TRAPPC9: variants seen among roughly 807,000 people sequenced by gnomAD.
TRAPPC9 encodes the protein trafficking protein particle complex subunit 9.
Under a neutral mutation model 124.0 loss-of-function variants are expected in TRAPPC9, and 83 were observed. The ratio of observed to expected loss-of-function variants is 0.67; its 90% CI spans 0.56 to 0.80. The LOEUF (loss-of-function observed/expected upper bound fraction) is 0.80. Among genes scored for constraint, TRAPPC9 ranks in the 30% least tolerant of loss-of-function variants. The pLI is 0.00. For synonymous variants in TRAPPC9, 638 were observed against 617.5 expected, an observed-to-expected ratio of 1.03 and a Z score of -0.49; for missense variants, 1,302 against 1,508.3, an observed-to-expected ratio of 0.86 and a Z score of 2.27.
chr8:139,732,648 G>A (rs1308689659), intron 21 of TRAPPC9, among the ~76,000 whole-genome samples: 1 of 152,238 alleles, frequency 6.6e-6, no homozygotes, highest in Non-Finnish European at 1.5e-5. Context: ...CTCCTCCAGT[G>A]GCTGCAAGAC....
intron 21 of TRAPPC9, among the ~76,000 whole-genome samples, chr8:139,751,491 T>C (rs1340055301): frequency 6.6e-6 from 1 of 152,010 alleles, no homozygotes; most frequent in Non-Finnish European, 1.5e-5. Context: ...TTGTGGCCAC[T>C]AGCAACAGGG....
Position 139,904,175 on chromosome 8 carries a change from C to T in TRAPPC9, c.2964+5972G>A, listed in dbSNP as rs112806340. ...TGGCACATGGTAGAGCCTCAATAAA[C>T]GGCTGTTGGATGAACAGGATTCCAC... On this transcript the variant is annotated intron_variant, in intron 20 of 22. Coordinates refer to ENST00000438773, the MANE Select transcript of TRAPPC9 (RefSeq NM_001160372.4). Among the ~76,000 whole-genome samples, 982 of 152,270 alleles carry T rather than the reference C, an allele frequency of 6.4e-3. 11 individuals carry two copies. The highest frequency in any genetic ancestry group is 0.022 in the African/African-American group (896 of 41,564).
intron 21 of TRAPPC9, chr8:139,881,270 TAAGAC>T (rs1482608596): frequency 2.0e-4 from 30 of 152,242 alleles, no homozygotes; most frequent in African/African-American, 6.5e-4. Flanking sequence ...TAGAATATAT[TAAGAC>T]AAGTTGAACC....
chr8:140,077,121 G>A (rs1313699302), intron 17 of TRAPPC9, among the ~76,000 whole-genome samples: 2 of 152,072 alleles, frequency 1.3e-5, no homozygotes, highest in East Asian at 1.9e-4. Flanking sequence ...AGCCTAGATT[G>A]TGCCACTGTG....
intron 5 of TRAPPC9, among the ~76,000 whole-genome samples, chr8:140,410,386 T>C (rs58486881): frequency 0.03 from 4,501 of 150,910 alleles, 211 homozygotes; most frequent in African/African-American, 0.096. Context: ...AAATACAAAA[T>C]TTAGCCAGAC....
intron 8 of TRAPPC9, among the ~76,000 whole-genome samples, chr8:140,361,042 G>A (rs1051905821): frequency 1.3e-5 from 2 of 152,196 alleles, no homozygotes; most frequent in Non-Finnish European, 2.9e-5. Flanking sequence ...CAGCCAATCT[G>A]TGTTAACACA....
chr8:139,762,680 G>A (rs1169275419), intron 21 of TRAPPC9, among the ~76,000 whole-genome samples: 5 of 152,206 alleles, frequency 3.3e-5, no homozygotes, highest in African/African-American at 1.2e-4. Flanking sequence ...TGTGGTGCAC[G>A]ACTGTAATTT....
At chr8:140,081,512 A>T (rs1392098898) in intron 17 of TRAPPC9, among the ~76,000 whole-genome samples, 1 of 151,794 alleles carries the variant, frequency 6.6e-6, no homozygotes, top group African/African-American at 2.4e-5. Flanking sequence ...CACCCAGCTA[A>T]TTTCTGTATT....
chr8:140,083,208 C>T lies in TRAPPC9; in HGVS notation c.2557-59129G>A, dbSNP rs572358752. ...ACTCCATCTCAAAAAAAAAAATTCACATCTTTGGACTCAGTAATTCTGCTT... is the reference window on the plus strand; with the variant it reads ...ACTCCATCTCAAAAAAAAAAATTCATATCTTTGGACTCAGTAATTCTGCTT... On this transcript the variant is annotated intron_variant, in intron 17 of 22. Coordinates refer to ENST00000438773, the MANE Select transcript of TRAPPC9 (RefSeq NM_001160372.4). Among the ~76,000 whole-genome samples, 19 of 151,876 alleles carry T rather than the reference C, an allele frequency of 1.3e-4. 1 individual carries two copies. The South Asian group carries it at 3.7e-3, about 30-fold the overall frequency.
At chr8:140,209,339 T>C (rs561672511) in intron 17 of TRAPPC9, among the ~76,000 whole-genome samples, 1 of 152,304 alleles carries the variant, frequency 6.6e-6, no homozygotes, top group East Asian at 1.9e-4. Flanking sequence ...CACTGGATGT[T>C]TGCTGAAGGA....
At chr8:139,830,457 CACACAT>C (rs1825910844) in intron 21 of TRAPPC9, among the ~76,000 whole-genome samples, 1 of 151,942 alleles carries the variant, frequency 6.6e-6, no homozygotes, top group Non-Finnish European at 1.5e-5. Context: ...ACAAACGCTA[CACACAT>C]ACACATAAAC....
intron 17 of TRAPPC9, among the ~76,000 whole-genome samples, chr8:140,056,195 G>C (rs763501066): frequency 6.6e-6 from 1 of 152,032 alleles, no homozygotes; most frequent in Non-Finnish European, 1.5e-5. Flanking sequence ...GATCACTTGA[G>C]CCCAGGAGTT....
rs184012585 is a variant in TRAPPC9 at position 140,041,030 on chromosome 8, A to T, written c.2557-16951T>A. 2.0e-5 allele frequency: 3 copies of T among 152,344 alleles called. No individual in the cohort carries two copies. In the East Asian group the frequency reaches 5.8e-4, roughly 29 times the overall value. The allele number at this position is 152,344 out of a possible 1,614,324, so 9.4% of individuals were successfully genotyped here. A position where few individuals can be genotyped will look rare whatever the true frequency, so the allele number is the denominator to read the frequency against. ...CAACTACTTTGTCAAGGTAATATCC[A>T]GGTATGAATGGTGGACCTCATGGTC... On this transcript the variant is annotated intron_variant, in intron 17 of 22. Coordinates refer to ENST00000438773, the MANE Select transcript of TRAPPC9 (RefSeq NM_001160372.4).
At chr8:140,440,972 C>CTTTTTTT (rs60379205) in intron 2 of TRAPPC9, among the ~76,000 whole-genome samples, 8 of 80,284 alleles carry the variant, frequency 1.0e-4, no homozygotes, top group East Asian at 3.9e-4. Flanking sequence ...AACACTGTTA[C>CTTTTTTT]TTTTTTTTTT....
intron 7 of TRAPPC9, among the ~76,000 whole-genome samples, chr8:140,381,273 G>T (rs1289772236): frequency 1.3e-5 from 2 of 151,298 alleles, no homozygotes; most frequent in Non-Finnish European, 2.9e-5. Flanking sequence ...AAATGGGAGA[G>T]AAATTCTGCA....
chr8:140,383,363 C>T (rs1331359568), intron 7 of TRAPPC9, among the ~76,000 whole-genome samples: 1 of 152,142 alleles, frequency 6.6e-6, no homozygotes, highest in Admixed American at 6.5e-5. Flanking sequence ...CCAAACTTCT[C>T]CAAGCTAAAG....
At chr8:140,354,508 C>T (rs928973062) in intron 9 of TRAPPC9, among the ~76,000 whole-genome samples, 6 of 152,170 alleles carry the variant, frequency 3.9e-5, no homozygotes, top group African/African-American at 1.2e-4. Flanking sequence ...TAGGTTCAAT[C>T]TTTTGCAAAT....
intron 17 of TRAPPC9, among the ~76,000 whole-genome samples, chr8:140,169,472 A>G (rs1210647373): frequency 1.3e-5 from 2 of 152,176 alleles, no homozygotes; most frequent in Non-Finnish European, 2.9e-5. Flanking sequence ...AAGCAAATAC[A>G]TGCACACACA....
At chr8:139,781,706 CTGTG>C (rs1821830136) in intron 21 of TRAPPC9, among the ~76,000 whole-genome samples, 1 of 151,974 alleles carries the variant, frequency 6.6e-6, no homozygotes. Flanking sequence ...GTTTGAAAGG[CTGTG>C]TGTGTTTGTG....
Sources: allele counts gnomAD v4.1 joint callset (sites outside exome capture counted in the v4.1 genomes callset), GRCh38; gene constraint gnomAD v4.1.1; transcripts MANE v1.5; gene names NCBI Gene and HGNC (gene_info 2026-07-23, HGNC 2026-07-21).